DOK6: variants seen among roughly 807,000 people sequenced by gnomAD.
DOK6 encodes docking protein 6.
DOK6 carries 22 observed loss-of-function variants against 44.0 expected under a neutral mutation model. The ratio of observed to expected loss-of-function variants is 0.50; its 90% confidence interval spans 0.36 to 0.71. The LOEUF (loss-of-function observed/expected upper bound fraction) is 0.71, where lower values mean the gene tolerates loss of function less well. Among genes scored for constraint, DOK6 ranks in the 30% least tolerant of loss-of-function variants. The probability of loss-of-function intolerance (pLI) is 0.00; values close to 1 mark genes in which losing one functional copy is unlikely to be tolerated. For missense variants in DOK6, 340 were observed against 416.4 expected (o/e 0.82, Z 1.60); for synonymous variants, 166 against 145.5 (o/e 1.14, Z -1.01).
At chr18:69,755,181 C>T (rs1431545992) in intron 6 of DOK6, among the ~76,000 whole-genome samples, 1 of 152,132 alleles carries the variant, frequency 6.6e-6, no homozygotes, top group Admixed American at 6.5e-5. Context: ...TAAAACAATA[C>T]AGGGTGATTC....
At chr18:69,433,729 A>T (rs2122428253) in intron 1 of DOK6, among the ~76,000 whole-genome samples, 1 of 152,326 alleles carries the variant, frequency 6.6e-6, no homozygotes, top group Admixed American at 6.5e-5. Flanking sequence ...CCTGGATATA[A>T]GTAGTTTGGA....
At position 69,821,799 on chromosome 18, in the gene DOK6, T is replaced by A. The variant is rs200215626; in HGVS notation, c.857-19445T>A. On this transcript the variant is annotated intron_variant, in intron 7 of 7. Transcript: ENST00000382713. Reference sequence around the variant, plus strand: ...GATAGCATGCTATTGTTTTTTTTTTTAAAAAAAATCCTTTGAAGACTCTTG... The same window carrying A: ...GATAGCATGCTATTGTTTTTTTTTTAAAAAAAAATCCTTTGAAGACTCTTG... Among the ~76,000 whole-genome samples, 541 of 149,344 alleles carry A rather than the reference T, an allele frequency of 3.6e-3. 3 individuals carry two copies. Among genetic ancestry groups the A allele is most frequent in the African/African-American group, 0.011 (446 of 40,768 alleles).
chr18:69,801,127 T>C (rs1475787965), intron 7 of DOK6, among the ~76,000 whole-genome samples: 2 of 99,746 alleles, frequency 2.0e-5, no homozygotes, highest in African/African-American at 6.1e-5. Flanking sequence ...TTGTTTTGTT[T>C]TGTTTTGTTT....
chr18:69,583,091 T>C (rs1402509626), intron 2 of DOK6, among the ~76,000 whole-genome samples: 1 of 152,266 alleles, frequency 6.6e-6, no homozygotes, highest in African/African-American at 2.4e-5. Flanking sequence ...GAAATAATTC[T>C]GTTAAATATA....
chr18:69,784,613 G>T (rs540200760), intron 7 of DOK6, among the ~76,000 whole-genome samples: 62 of 151,702 alleles, frequency 4.1e-4, no homozygotes, highest in African/African-American at 1.4e-3. Context: ...ACTTTATGTT[G>T]GATTACATTT....
intron 1 of DOK6, among the ~76,000 whole-genome samples, chr18:69,541,909 C>T (rs897181420): frequency 6.6e-6 from 1 of 151,400 alleles, no homozygotes; most frequent in African/African-American, 2.4e-5. Flanking sequence ...AGAAAGAGAG[C>T]TATCTGTGAC....
intron 3 of DOK6, among the ~76,000 whole-genome samples, chr18:69,640,128 T>C (rs900118026): frequency 6.6e-6 from 1 of 152,248 alleles, no homozygotes; most frequent in African/African-American, 2.4e-5. Context: ...GACAAAGGCT[T>C]GCGATGTCTC....
chr18:69,497,115 C>G (rs1980912730), intron 1 of DOK6, among the ~76,000 whole-genome samples: 1 of 152,034 alleles, frequency 6.6e-6, no homozygotes, highest in Admixed American at 6.6e-5. Flanking sequence ...CCATCCATGC[C>G]ACAAAGACAG....
chr18:69,413,827 A>C (rs2122394588), intron 1 of DOK6, among the ~76,000 whole-genome samples: 1 of 151,992 alleles, frequency 6.6e-6, no homozygotes, highest in Non-Finnish European at 1.5e-5. Context: ...ACTGGCAGAA[A>C]ATACTTAAGG....
At chr18:69,592,249 TAA>T (rs79022744) in intron 2 of DOK6, among the ~76,000 whole-genome samples, 1 of 149,754 alleles carries the variant, frequency 6.7e-6, no homozygotes, top group Non-Finnish European at 1.5e-5. Context: ...TTTTTTTTTT[TAA>T]ACTTACCCTT....
At chr18:69,782,394 G>T (rs1405457016) in intron 7 of DOK6, among the ~76,000 whole-genome samples, 3 of 151,668 alleles carry the variant, frequency 2.0e-5, no homozygotes, top group African/African-American at 7.3e-5. Flanking sequence ...TATATTTTTA[G>T]TAGAGACTGG....
chr18:69,811,071 G>T (rs1017690298), intron 7 of DOK6, among the ~76,000 whole-genome samples: 1 of 151,964 alleles, frequency 6.6e-6, no homozygotes, highest in African/African-American at 2.4e-5. Flanking sequence ...AAGAGATGAC[G>T]AATGGATAAA....
intron 3 of DOK6, among the ~76,000 whole-genome samples, chr18:69,656,323 C>G (rs533152084): frequency 6.6e-6 from 1 of 152,092 alleles, no homozygotes; most frequent in African/African-American, 2.4e-5. Flanking sequence ...GAAAGGAGTA[C>G]CAAAAACATA....
Position 69,841,365 on chromosome 18 carries a change from C to T in DOK6, c.978C>T (p.Ser326=), listed in dbSNP as rs1982214445. 1.2e-6 allele frequency: 2 copies of T among 1,614,166 alleles called. No homozygotes were observed. Among genetic ancestry groups the T allele is most frequent in the Admixed American group, 3.3e-5 (2 of 60,030 alleles). The change falls in exon 8 of 8, where the codon AGC becomes AGT. Residue 326 remains serine (S), a synonymous_variant. Transcript: ENST00000382713. The stretch of plus-strand genomic sequence containing the variant: ...CCAGCAGCTATGGATTCAGCTACAG[C>T]TCCAGCCTCATCCAATGACACACAG... The part of the protein sequence containing the change: ...SRSSSYGFSY[S]SSLIQ
chr18:69,515,213 T>A lies in DOK6; in HGVS notation c.67-49274T>A, dbSNP rs1036839. Among the ~76,000 whole-genome samples the A allele has an allele frequency of 2.0e-5, 3 of 152,206 alleles. No individual in the cohort carries two copies. The South Asian group carries it at 6.2e-4, about 31-fold the overall frequency. On this transcript the variant is annotated intron_variant, in intron 1 of 7. Coordinates refer to ENST00000382713, the MANE Select transcript of DOK6 (RefSeq NM_152721.6). Reference sequence around the variant, plus strand: ...TTCTATGATTTCTTCCTAGGCTTCTTTTAGACCACACAAGGATTAAATGAG... The same window carrying A: ...TTCTATGATTTCTTCCTAGGCTTCTATTAGACCACACAAGGATTAAATGAG...
intron 3 of DOK6, among the ~76,000 whole-genome samples, chr18:69,612,465 A>AGGGCGCATG (rs1984180059): frequency 1.6e-5 from 1 of 62,704 alleles, no homozygotes; most frequent in Non-Finnish European, 3.2e-5. Context: ...GAGCGTGCAT[A>AGGGCGCATG]TGTATTTCTT....
In DOK6 at chr18:69,677,575, T is replaced by G. The variant is rs538364613; in HGVS notation, c.290-159T>G. 2.6e-5 allele frequency among the ~76,000 whole-genome samples: 4 copies of G among 152,342 alleles called. No individual in the cohort carries two copies. The East Asian group carries it at 5.8e-4, about 22-fold the overall frequency. Reference sequence around the variant, plus strand: ...ATGTCAAAGAGTAGGAAATAATTTTTGGGACTTATTTTCACTTCCTAAATA... The same window carrying G: ...ATGTCAAAGAGTAGGAAATAATTTTGGGGACTTATTTTCACTTCCTAAATA... On this transcript the variant is annotated intron_variant, in intron 3 of 7. Transcript: ENST00000382713.
intron 1 of DOK6, among the ~76,000 whole-genome samples, chr18:69,443,390 C>A (rs1423648170): frequency 1.3e-5 from 2 of 152,144 alleles, no homozygotes; most frequent in Non-Finnish European, 2.9e-5. Flanking sequence ...GCACTTCCGG[C>A]AATGTGACCT....
chr18:69,523,307 A>T (rs139569914), intron 1 of DOK6, among the ~76,000 whole-genome samples: 163 of 152,222 alleles, frequency 1.1e-3, no homozygotes, highest in Middle Eastern at 3.4e-3. Flanking sequence ...TGTATAAGGA[A>T]TAAGAAAAAG....
Sources: gnomAD v4.1 joint callset for allele counts (sites outside exome capture counted in the v4.1 genomes callset) on GRCh38, gnomAD v4.1.1 for gene constraint, MANE v1.5 for transcripts, NCBI Gene and HGNC (gene_info 2026-07-23, HGNC 2026-07-21) for gene names.